GRID2: variants seen among roughly 807,000 people sequenced by gnomAD.
GRID2 encodes the protein glutamate receptor ionotropic, delta-2.
Under a neutral mutation model 114.8 loss-of-function variants are expected in GRID2, and 33 were observed. The ratio of observed to expected loss-of-function variants is 0.29; its 90% CI spans 0.22 to 0.38. The LOEUF is 0.38. Ranked by LOEUF, GRID2 falls within the 10% of genes least tolerant of loss-of-function variation. GRID2 has a pLI of 1.00. For missense variants in GRID2, 1,184 were observed against 1,257.7 expected, an observed-to-expected ratio of 0.94 and a Z score of 0.89; for synonymous variants, 505 against 449.9, an observed-to-expected ratio of 1.12 and a Z score of -1.55.
In GRID2 at chr4:93,133,559, A is replaced by T. The variant is rs1310656374; in HGVS notation, c.735+22606A>T. 4.6e-5 allele frequency among the ~76,000 whole-genome samples: 7 copies of T among 152,202 alleles called. No individual in the cohort carries two copies. In the East Asian group the frequency reaches 1.2e-3, roughly 25 times the overall value. On this transcript the variant is annotated intron_variant, in intron 4 of 15. Transcript: ENST00000282020. ...TTTGAGCTATATGTTTTGAGAATGCACTTTGGGAAAAAATTACTATGACTT... is the reference window on the plus strand; with the variant it reads ...TTTGAGCTATATGTTTTGAGAATGCTCTTTGGGAAAAAATTACTATGACTT...
intron 3 of GRID2, among the ~76,000 whole-genome samples, chr4:93,089,010 T>C (rs1254754130): frequency 1.3e-5 from 2 of 152,112 alleles, no homozygotes; most frequent in African/African-American, 2.4e-5. Context: ...TTACATGTAT[T>C]ATCTCGTTTA....
At chr4:92,450,732 T>A (rs1720871980) in intron 1 of GRID2, among the ~76,000 whole-genome samples, 1 of 151,542 alleles carries the variant, frequency 6.6e-6, no homozygotes, top group South Asian at 2.1e-4. Flanking sequence ...TTTAAATCTC[T>A]CTCTTTCTTT....
At chr4:93,206,187 G>A (rs1218725547) in intron 4 of GRID2, among the ~76,000 whole-genome samples, 1 of 152,056 alleles carries the variant, frequency 6.6e-6, no homozygotes, top group African/African-American at 2.4e-5. Context: ...AGGGAACAAT[G>A]TGATGTATAA....
chr4:92,777,716 C>G (rs1738878251), intron 2 of GRID2, among the ~76,000 whole-genome samples: 1 of 143,102 alleles, frequency 7.0e-6, no homozygotes, highest in South Asian at 2.2e-4. Flanking sequence ...GGAAGAGATA[C>G]TAGGAATGCA....
At chr4:92,485,336 ATATATATATATAGTGTGT>A (rs1297179725) in intron 1 of GRID2, among the ~76,000 whole-genome samples, 7 of 98,538 alleles carry the variant, frequency 7.1e-5, no homozygotes, top group Admixed American at 4.0e-4. Flanking sequence ...ATATATATAT[ATATATATATATAGTGTGT>A]GTGTGTGTGT....
intron 13 of GRID2, among the ~76,000 whole-genome samples, chr4:93,553,715 G>T (rs946312893): frequency 6.6e-6 from 1 of 152,058 alleles, no homozygotes; most frequent in Non-Finnish European, 1.5e-5. Context: ...TTTGTCTAAG[G>T]TTCTATATAA....
intron 2 of GRID2, among the ~76,000 whole-genome samples, chr4:93,019,054 C>T (rs1270691971): frequency 6.6e-6 from 1 of 152,050 alleles, no homozygotes; most frequent in Non-Finnish European, 1.5e-5. Flanking sequence ...TTAGTTAAAT[C>T]AGAGGATGTT....
At chr4:92,367,787 C>G in intron 1 of GRID2, among the ~76,000 whole-genome samples, 1 of 152,074 alleles carries the variant, frequency 6.6e-6, no homozygotes, top group East Asian at 1.9e-4. Context: ...TGAAAAATCT[C>G]TGTTTGATCT....
chr4:93,156,138 T>A (rs1737165490), intron 4 of GRID2, among the ~76,000 whole-genome samples: 1 of 151,660 alleles, frequency 6.6e-6, no homozygotes, highest in African/African-American at 2.4e-5. Context: ...TTAAAGATTA[T>A]GAATGAATAA....
chr4:92,503,079 G>A (rs1387593595), intron 1 of GRID2, among the ~76,000 whole-genome samples: 1 of 151,954 alleles, frequency 6.6e-6, no homozygotes, highest in Non-Finnish European at 1.5e-5. Flanking sequence ...TTGAAATGTG[G>A]ATACCTTGAT....
intron 13 of GRID2, among the ~76,000 whole-genome samples, chr4:93,544,655 T>A (rs966272200): frequency 2.6e-5 from 4 of 151,538 alleles, no homozygotes; most frequent in African/African-American, 9.7e-5. Flanking sequence ...CACATACCTG[T>A]AATCCCAGTC....
chr4:93,336,318 CTTT>C (rs978240106), intron 8 of GRID2, among the ~76,000 whole-genome samples: 1 of 152,034 alleles, frequency 6.6e-6, no homozygotes, highest in Admixed American at 6.6e-5. Context: ...TTAAATATTT[CTTT>C]TTTTCTTTCA....
chr4:93,253,185 G>T (rs978828581), intron 8 of GRID2, among the ~76,000 whole-genome samples: 2 of 151,974 alleles, frequency 1.3e-5, no homozygotes, highest in Non-Finnish European at 2.9e-5. Flanking sequence ...GAACCCGGGA[G>T]GTGGAGCTTG....
intron 1 of GRID2, among the ~76,000 whole-genome samples, chr4:92,402,449 G>A (rs1197485428): frequency 1.3e-5 from 2 of 152,148 alleles, no homozygotes; most frequent in African/African-American, 2.4e-5. Flanking sequence ...AGACTTGAAA[G>A]TTTGTATTAC....
chr4:92,474,481 G>T (rs1410468552), intron 1 of GRID2, among the ~76,000 whole-genome samples: 1 of 152,036 alleles, frequency 6.6e-6, no homozygotes, highest in Non-Finnish European at 1.5e-5. Context: ...GTGGACATGG[G>T]AGTACAAATA....
chr4:92,690,393 G>T (rs917003787), intron 2 of GRID2, among the ~76,000 whole-genome samples: 2 of 152,076 alleles, frequency 1.3e-5, no homozygotes, highest in African/African-American at 2.4e-5. Flanking sequence ...GTCTAAGTTT[G>T]CTGTCTTATA....
chr4:93,163,372 A>ATATATATATATACAC (rs1560941631), intron 4 of GRID2, among the ~76,000 whole-genome samples: 2 of 53,896 alleles, frequency 3.7e-5, no homozygotes, highest in African/African-American at 1.4e-4. Context: ...ATATATATAT[A>ATATATATATATACAC]TATATATATA....
intron 7 of GRID2, among the ~76,000 whole-genome samples, chr4:93,233,196 G>A (rs1451283209): frequency 6.6e-6 from 1 of 152,032 alleles, no homozygotes; most frequent in African/African-American, 2.4e-5. Context: ...ATAAGCCCAA[G>A]GCAGCCAGAA....
intron 8 of GRID2, among the ~76,000 whole-genome samples, chr4:93,246,130 G>T (rs1315381216): frequency 1.3e-5 from 2 of 152,108 alleles, no homozygotes; most frequent in African/African-American, 4.8e-5. Flanking sequence ...ACAGTTGTAT[G>T]GAAATCTAAT....
Sources: allele counts gnomAD v4.1 joint callset (sites outside exome capture counted in the v4.1 genomes callset), GRCh38; gene constraint gnomAD v4.1.1; transcripts MANE v1.5; gene names NCBI Gene and HGNC (gene_info 2026-07-23, HGNC 2026-07-21).